MRPS35: variants seen among roughly 807,000 people sequenced by gnomAD.
MRPS35 encodes small ribosomal subunit protein mS35.
MRPS35 carries 29 observed loss-of-function variants against 32.7 expected under a neutral mutation model. That is an observed-to-expected ratio of 0.89 (90% CI 0.66 to 1.21). The LOEUF is 1.21. MRPS35 is among the 50% of genes most tolerant of loss of function. The probability of loss-of-function intolerance (pLI) is 0.00; values close to 1 mark genes in which losing one functional copy is unlikely to be tolerated. For missense variants in MRPS35, 373 were observed against 383.8 expected, an observed-to-expected ratio of 0.97 and a Z score of 0.23; for synonymous variants, 148 against 139.3, an observed-to-expected ratio of 1.06 and a Z score of -0.44.
intron 5 of MRPS35, among the ~76,000 whole-genome samples, chr12:27,726,792 G>A (rs937001472): frequency 6.6e-6 from 1 of 151,960 alleles, no homozygotes; most frequent in Admixed American, 6.5e-5. Context: ...AGAAATGTCT[G>A]TTCATATCCT....
At chr12:27,743,452 C>A (rs548908210) in intron 7 of MRPS35, among the ~76,000 whole-genome samples, 4 of 151,922 alleles carry the variant, frequency 2.6e-5, no homozygotes, top group Non-Finnish European at 5.9e-5. Flanking sequence ...GCCTTGAACC[C>A]GGGAGGCAGA....
intron 7 of MRPS35, among the ~76,000 whole-genome samples, chr12:27,746,939 C>A (rs931069623): frequency 1.3e-5 from 2 of 152,104 alleles, no homozygotes; most frequent in Non-Finnish European, 2.9e-5. Flanking sequence ...AATTGATTTC[C>A]CTGTCTCATC....
rs566226051 is a variant in MRPS35, at chr12:27,711,122, G to A, written c.112+167G>A. ...AACCATGGACGTGGGTCTGTGCTCT[G>A]CACCCGCGTTGCCCGGCTTCTAGCC... On this transcript the variant is annotated intron_variant, in intron 1 of 7. Transcript: ENST00000081029. 2.7e-4 allele frequency among the ~76,000 whole-genome samples: 41 copies of A among 152,368 alleles called. 1 individual carries two copies. The South Asian group carries it at 4.1e-3, about 15-fold the overall frequency.
chr12:27,727,955 A>G (rs936936592), intron 5 of MRPS35, among the ~76,000 whole-genome samples: 26 of 152,216 alleles, frequency 1.7e-4, no homozygotes, highest in African/African-American at 6.3e-4. Context: ...GCCTAATACA[A>G]CGTAAATAGT....
chr12:27,719,328 T>C (rs1001634959), intron 3 of MRPS35, among the ~76,000 whole-genome samples: 1 of 152,142 alleles, frequency 6.6e-6, no homozygotes, highest in African/African-American at 2.4e-5. Flanking sequence ...TTTTAAGAAG[T>C]GTATTTCTTG....
chr12:27,748,878 G>C (rs2061990269), intron 7 of MRPS35, among the ~76,000 whole-genome samples: 1 of 152,144 alleles, frequency 6.6e-6, no homozygotes, highest in African/African-American at 2.4e-5. Context: ...GTAGGAGCCA[G>C]GCATGGTGGT....
At chr12:27,745,323 G>A (rs963811672) in intron 7 of MRPS35, among the ~76,000 whole-genome samples, 7 of 152,134 alleles carry the variant, frequency 4.6e-5, no homozygotes, top group African/African-American at 1.7e-4. Flanking sequence ...AGGTTACAGA[G>A]CTTTTTAGTG....
chr12:27,732,400 C>G (rs2061925132), intron 5 of MRPS35, among the ~76,000 whole-genome samples: 1 of 152,200 alleles, frequency 6.6e-6, no homozygotes, highest in South Asian at 2.1e-4. Flanking sequence ...GTGCCTTGTG[C>G]TAGCCTGTGA....
At chr12:27,735,897 A>C (rs1451934614) in intron 6 of MRPS35, among the ~76,000 whole-genome samples, 1 of 152,224 alleles carries the variant, frequency 6.6e-6, no homozygotes, top group Non-Finnish European at 1.5e-5. Flanking sequence ...GCATATAAAA[A>C]TCTTGTAGTT....
intron 5 of MRPS35, among the ~76,000 whole-genome samples, chr12:27,725,973 C>A (rs2061898457): frequency 6.6e-6 from 1 of 151,484 alleles, no homozygotes; most frequent in South Asian, 2.1e-4. Context: ...CATGCCTGGC[C>A]AATTTTTTTG....
At chr12:27,723,647 A>G (rs1199410639) in intron 4 of MRPS35, among the ~76,000 whole-genome samples, 1 of 152,154 alleles carries the variant, frequency 6.6e-6, no homozygotes, top group Admixed American at 6.5e-5. Context: ...AGTAACCTTT[A>G]GTAATTAATA....
At chr12:27,729,180 C>G (rs1041688505) in intron 5 of MRPS35, among the ~76,000 whole-genome samples, 1 of 152,054 alleles carries the variant, frequency 6.6e-6, no homozygotes, top group East Asian at 1.9e-4. Flanking sequence ...TTGTTACAAT[C>G]CTTTAGCATT....
Sources: allele counts gnomAD v4.1 joint callset (sites outside exome capture counted in the v4.1 genomes callset), GRCh38; gene constraint gnomAD v4.1.1; transcripts MANE v1.5; gene names NCBI Gene and HGNC (gene_info 2026-07-23, HGNC 2026-07-21).